CORIN: variants seen among roughly 807,000 people sequenced by gnomAD.
CORIN encodes the protein corin, serine peptidase, also known as atrial natriuretic peptide-converting enzyme.
A neutral mutation model predicts 125.3 loss-of-function variants in CORIN; 117 were observed. The observed-to-expected ratio is 0.93, with a 90% CI of 0.80 to 1.09. The LOEUF is 1.09. CORIN is among the 50% of genes least tolerant of loss of function. The pLI, the probability that CORIN is intolerant of heterozygous loss-of-function variation, is 0.00. For missense variants in CORIN, 1,253 were observed against 1,306.7 expected, an observed-to-expected ratio of 0.96 and a Z score of 0.63; for synonymous variants, 450 against 466.4, an observed-to-expected ratio of 0.96 and a Z score of 0.45.
At position 47,595,836 on chromosome 4, in the gene CORIN, G is replaced by T; in HGVS notation, c.3014C>A (p.Ser1005Ter). The T allele has an allele frequency of 6.2e-7, 1 of 1,613,852 alleles. No homozygotes were observed. The highest frequency in any genetic ancestry group is 1.1e-5 in the South Asian group (1 of 91,066). ...TTTGGAAAAGCAGACGGAGCCCCAT[G>T]AAGTTAATCCAAATAATGTCCACCG... ...GGRWTLFGLT[S>*]WGSVCFSKVL... The change falls in exon 22 of 22, where the codon TCA becomes TAA. Residue 1005 changes from serine (S) to a stop codon, truncating the protein, a stop_gained. Coordinates refer to ENST00000273857, the MANE Select transcript of CORIN (RefSeq NM_006587.4). LOFTEE classifies it high-confidence loss of function.
At chr4:47,758,427 C>T (rs1210342944) in intron 4 of CORIN, among the ~76,000 whole-genome samples, 1 of 152,046 alleles carries the variant, frequency 6.6e-6, no homozygotes, top group East Asian at 1.9e-4. Flanking sequence ...AGAGTCAATG[C>T]AATTCCTATC....
chr4:47,792,715 C>T (rs1448597230), intron 2 of CORIN, among the ~76,000 whole-genome samples: 3 of 152,156 alleles, frequency 2.0e-5, no homozygotes, highest in Admixed American at 6.5e-5. Context: ...AAGTTCAAGG[C>T]TATAAGCAAA....
chr4:47,735,511 A>G lies in CORIN; in HGVS notation c.799+8891T>C, dbSNP rs4535316. 3.9e-3 allele frequency among the ~76,000 whole-genome samples: 596 copies of G among 152,318 alleles called. 12 individuals carry two copies. The highest frequency in any genetic ancestry group is 0.031 in the South Asian group (149 of 4,826). ...ATTTTTAAATATAAATGTTTCATCA[A>G]TCTTTCTAAGATTTTTTCCAAGATC... is the stretch of plus-strand genomic sequence containing the variant. On this transcript the variant is annotated intron_variant, in intron 5 of 21. Coordinates refer to ENST00000273857, the MANE Select transcript of CORIN (RefSeq NM_006587.4).
rs116168761 is a variant in CORIN at position 47,812,804 on chromosome 4, G to A, written c.64-5757C>T. ...TACCTGAACACGGTCAGGAGTTAGT[G>A]GATAAACACTTACTGAATAAATGAA... On this transcript the variant is annotated intron_variant, in intron 1 of 21. Coordinates refer to ENST00000273857, the MANE Select transcript of CORIN (RefSeq NM_006587.4). Among the ~76,000 whole-genome samples the A allele has an allele frequency of 6.7e-3, 1,021 of 152,076 alleles. 14 individuals are homozygous for A. Among genetic ancestry groups the A allele is most frequent in the African/African-American group, 0.022 (917 of 41,466 alleles).
At chr4:47,670,293 A>C (rs775794488) in intron 10 of CORIN, among the ~76,000 whole-genome samples, 2 of 152,230 alleles carry the variant, frequency 1.3e-5, no homozygotes, top group African/African-American at 2.4e-5. Flanking sequence ...ACGTGTTACC[A>C]AATGGTAATA....
intron 4 of CORIN, among the ~76,000 whole-genome samples, chr4:47,761,187 C>T (rs1011678576): frequency 1.3e-5 from 2 of 152,186 alleles, no homozygotes; most frequent in Admixed American, 6.5e-5. Flanking sequence ...TCACAATTGG[C>T]TAACTGTTGG....
intron 12 of CORIN, among the ~76,000 whole-genome samples, chr4:47,657,284 A>AGCAC (rs1406309196): frequency 6.6e-6 from 1 of 152,194 alleles, no homozygotes; most frequent in Non-Finnish European, 1.5e-5. Context: ...CTGTAATCCC[A>AGCAC]GCACTTTGGG....
At chr4:47,706,822 G>T in intron 5 of CORIN, 1 of 1,598,188 alleles carries the variant, frequency 6.3e-7, no homozygotes, top group Non-Finnish European at 8.5e-7. Flanking sequence ...ACACCCCATG[G>T]ATCACCAAAC....
At position 47,661,696 on chromosome 4, in the gene CORIN, A is replaced by C; in HGVS notation, c.1735+15T>G. On this transcript the variant is annotated intron_variant, in intron 12 of 21. Transcript: ENST00000273857. Reference sequence around the variant, plus strand: ...CCATGTTAGATACCCTGCTGTAATTAATTTTAAAATTAACCTTCCACATAT... The same window carrying C: ...CCATGTTAGATACCCTGCTGTAATTCATTTTAAAATTAACCTTCCACATAT... The C allele has an allele frequency of 6.3e-7, 1 of 1,599,484 alleles. No homozygotes were observed. Among genetic ancestry groups the C allele is most frequent in the Non-Finnish European group, 8.6e-7 (1 of 1,169,522 alleles).
At chr4:47,687,061 T>A (rs1002617592) in intron 6 of CORIN, among the ~76,000 whole-genome samples, 7 of 152,220 alleles carry the variant, frequency 4.6e-5, no homozygotes, top group African/African-American at 1.2e-4. Flanking sequence ...AGGCATTTTT[T>A]AAAAATCCTC....
chr4:47,603,891 T>C (rs957496368), intron 19 of CORIN, among the ~76,000 whole-genome samples: 1 of 152,220 alleles, frequency 6.6e-6, no homozygotes, highest in African/African-American at 2.4e-5. Context: ...GGGGCTAGTC[T>C]TTAACATAAA....
Position 47,761,575 on chromosome 4 carries a change from A to T in CORIN, c.617+1804T>A, listed in dbSNP as rs1473253278. 2.6e-5 allele frequency among the ~76,000 whole-genome samples: 4 copies of T among 152,306 alleles called. No homozygotes were observed. In the East Asian group the frequency reaches 7.7e-4, roughly 29 times the overall value. On this transcript the variant is annotated intron_variant, in intron 4 of 21. Coordinates refer to ENST00000273857, the MANE Select transcript of CORIN (RefSeq NM_006587.4). ...AATCCTGTTATTTGCCACAACATGG[A>T]TCAACCTGGAGGACACTTCGTTAAG... is the stretch of plus-strand genomic sequence containing the variant.
chr4:47,826,545 T>C (rs1732750394), intron 1 of CORIN, among the ~76,000 whole-genome samples: 1 of 152,188 alleles, frequency 6.6e-6, no homozygotes, highest in Admixed American at 6.5e-5. Context: ...CCTTCCTGTA[T>C]CTTCAAAGCA....
chr4:47,806,761 C>A (rs1731812812), intron 2 of CORIN, 142 bp downstream of exon 2: 2 of 758,834 alleles, frequency 2.6e-6, no homozygotes, highest in Admixed American at 6.9e-5. Flanking sequence ...GCTGAAACTG[C>A]AGATTTGCAT....
chr4:47,732,559 T>C (rs1727922604), intron 5 of CORIN, among the ~76,000 whole-genome samples: 2 of 150,838 alleles, frequency 1.3e-5, no homozygotes, highest in African/African-American at 2.4e-5. Flanking sequence ...GGTTTAGTAA[T>C]CTACTCTTTT....
chr4:47,768,797 A>T (rs1298187820), intron 3 of CORIN, among the ~76,000 whole-genome samples: 3 of 152,228 alleles, frequency 2.0e-5, no homozygotes, highest in Non-Finnish European at 4.4e-5. Flanking sequence ...GACCTTCAAC[A>T]AATTAGGTAT....
chr4:47,615,433 C>T (rs1722035520), intron 19 of CORIN, among the ~76,000 whole-genome samples: 1 of 152,118 alleles, frequency 6.6e-6, no homozygotes, highest in Non-Finnish European at 1.5e-5. Context: ...TTGGTCGTGT[C>T]CCTCTAAAAT....
chr4:47,643,336 G>T, intron 14 of CORIN, 80 bp from the exon 15 acceptor site: 1 of 1,270,012 alleles, frequency 7.9e-7, no homozygotes, highest in African/African-American at 1.5e-5. Context: ...ATCTTCATGT[G>T]CCAGCAGGAG....
chr4:47,623,300 ATAG>A (rs1219835062), intron 19 of CORIN, among the ~76,000 whole-genome samples: 2 of 152,130 alleles, frequency 1.3e-5, no homozygotes, highest in South Asian at 2.1e-4. Flanking sequence ...AAAGAGACTA[ATAG>A]TAGCATAGAG....
Sources: gnomAD v4.1 joint callset for allele counts (sites outside exome capture counted in the v4.1 genomes callset) on GRCh38, gnomAD v4.1.1 for gene constraint, MANE v1.5 for transcripts, NCBI Gene and HGNC (gene_info 2026-07-23, HGNC 2026-07-21) for gene names.